LRP1B: variants seen among roughly 807,000 people sequenced by gnomAD.
LRP1B encodes LDL receptor related protein 1B.
A neutral mutation model predicts 556.6 loss-of-function variants in LRP1B; 217 were observed. The observed-to-expected ratio is 0.39, with a 90% CI of 0.35 to 0.44. The LOEUF is 0.44. LRP1B is among the 20% of genes least tolerant of loss of function. The pLI is 1.00. For synonymous variants in LRP1B, 2,047 were observed against 1,865.8 expected (o/e 1.10, Z -2.50); for missense variants, 5,053 against 5,620.8 (o/e 0.90, Z 3.23).
At chr2:141,452,678 T>C (rs1681464595) in intron 3 of LRP1B, among the ~76,000 whole-genome samples, 1 of 152,204 alleles carries the variant, frequency 6.6e-6, no homozygotes, top group Non-Finnish European at 1.5e-5. Context: ...TCCATTATAG[T>C]TGTCACTACT....
intron 7 of LRP1B, among the ~76,000 whole-genome samples, chr2:141,083,029 C>A (rs1274254909): frequency 6.6e-6 from 1 of 152,148 alleles, no homozygotes; most frequent in African/African-American, 2.4e-5. Flanking sequence ...ACTAATGATC[C>A]AAGCTAATCA....
intron 72 of LRP1B, among the ~76,000 whole-genome samples, chr2:140,361,357 T>TAC (rs1558829100): frequency 1.0e-3 from 130 of 124,848 alleles, no homozygotes; most frequent in African/African-American, 1.4e-3. Context: ...TATATATATA[T>TAC]ATATATATAT....
At chr2:142,101,552 G>A (rs1005260741) in intron 1 of LRP1B, among the ~76,000 whole-genome samples, 2 of 151,926 alleles carry the variant, frequency 1.3e-5, no homozygotes, top group African/African-American at 4.8e-5. Flanking sequence ...CAGTCCTAAA[G>A]ACTCCAAATG....
chr2:140,689,457 G>C (rs1686162435), intron 41 of LRP1B, among the ~76,000 whole-genome samples: 1 of 152,060 alleles, frequency 6.6e-6, no homozygotes, highest in Non-Finnish European at 1.5e-5. Context: ...GTGATTCTGG[G>C]GGCTGCCCAA....
In LRP1B at chr2:140,442,364, G is replaced by A. The variant is rs1686466964; in HGVS notation, c.10414+140C>T. ...TAAAGTAGCTAACCTAAGTTTTTAT[G>A]AATCTGTGAACACAGAGACAAAACC... On this transcript the variant is annotated intron_variant, in intron 66 of 90. Coordinates refer to ENST00000389484, the MANE Select transcript of LRP1B (RefSeq NM_018557.3). The A allele has an allele frequency of 2.3e-5, 25 of 1,066,310 alleles. No individual in the cohort carries two copies. In the South Asian group the frequency reaches 4.6e-4, roughly 19 times the overall value. 66.1% of individuals were successfully genotyped at this position (1,066,310 alleles called of 1,614,324 possible).
intron 1 of LRP1B, among the ~76,000 whole-genome samples, chr2:141,921,045 T>C (rs1700172410): frequency 6.6e-6 from 1 of 152,034 alleles, no homozygotes; most frequent in South Asian, 2.1e-4. Context: ...CTTCAACATG[T>C]AGTATGTAAC....
chr2:141,055,048 C>T (rs75389026), intron 10 of LRP1B, 68 bp downstream of exon 10: 61,526 of 1,553,116 alleles, frequency 0.04, 1,456 homozygotes, highest in East Asian at 0.076. Context: ...GTTGATGCTG[C>T]TAATTAATAC....
intron 42 of LRP1B, among the ~76,000 whole-genome samples, chr2:140,600,044 T>C (rs1034914809): frequency 3.3e-5 from 5 of 152,162 alleles, no homozygotes; most frequent in African/African-American, 1.2e-4. Flanking sequence ...ATTTTATGTG[T>C]TTAATTTTAA....
At position 140,728,851 on chromosome 2, in the gene LRP1B, T is replaced by C. The variant is rs2105492463; in HGVS notation, c.5759-12035A>G. 1.3e-5 allele frequency among the ~76,000 whole-genome samples: 2 copies of C among 152,254 alleles called. 1 individual carries two copies. The highest frequency in any genetic ancestry group is 4.1e-4 in the South Asian group (2 of 4,834). On this transcript the variant is annotated intron_variant, in intron 35 of 90. Transcript: ENST00000389484. ...GTGATATGGGCAAGTTACTTAACCT[T>C]TCTTTTTAGTGTCTGAATAAAATGG...
chr2:141,467,079 C>T (rs192070394), intron 3 of LRP1B, among the ~76,000 whole-genome samples: 3,870 of 108,976 alleles, frequency 0.036, 82 homozygotes, highest in Non-Finnish European at 0.041. Flanking sequence ...TATATATATA[C>T]ACACACACAC....
At chr2:141,940,270 C>T (rs1168979204) in intron 1 of LRP1B, among the ~76,000 whole-genome samples, 1 of 151,964 alleles carries the variant, frequency 6.6e-6, no homozygotes, top group Non-Finnish European at 1.5e-5. Flanking sequence ...CTGTGCAATG[C>T]CACTGTACAA....
intron 49 of LRP1B, among the ~76,000 whole-genome samples, chr2:140,518,028 G>T (rs1689992302): frequency 6.6e-6 from 1 of 151,624 alleles, no homozygotes; most frequent in Non-Finnish European, 1.5e-5. Context: ...CTTTTAACTG[G>T]GTGTCATCTG....
rs1452964167 is a variant in LRP1B at position 140,457,630 on chromosome 2, C to T, written c.9647G>A (p.Gly3216Glu). Residue 3216 changes from glycine to glutamate, a missense_variant, in exon 61 of 91, where the codon GGG becomes GAG. Gly to Glu is a moderately conservative substitution (Grantham distance 98). Around this residue, in one of 5 missense-constraint regions of LRP1B, gnomAD observed 262 missense variants for 395.1 expected, o/e 0.66. Coordinates refer to ENST00000389484, the MANE Select transcript of LRP1B (RefSeq NM_018557.3). The part of the protein sequence containing the change: ...RHKVPNQDIP[G>E]VIALTLFEDY... Reference sequence around the variant, plus strand: ...TTCAAACAATGTTAGTGCAATCACCCCTGGAATATCTTGATTAGGGACTGT... The same window carrying T: ...TTCAAACAATGTTAGTGCAATCACCTCTGGAATATCTTGATTAGGGACTGT... 1 of 1,613,222 alleles carries T rather than the reference C, an allele frequency of 6.2e-7. No homozygotes were observed. The highest frequency in any genetic ancestry group is 8.5e-7 in the Non-Finnish European group (1 of 1,179,356).
intron 7 of LRP1B, among the ~76,000 whole-genome samples, chr2:141,123,948 A>C: frequency 6.6e-6 from 1 of 152,174 alleles, no homozygotes; most frequent in Admixed American, 6.6e-5. Flanking sequence ...TATAAGTGAT[A>C]GAGTAAATTG....
At chr2:140,779,515 T>C (rs887901378) in intron 32 of LRP1B, among the ~76,000 whole-genome samples, 10 of 151,840 alleles carry the variant, frequency 6.6e-5, no homozygotes, top group African/African-American at 2.2e-4. Flanking sequence ...ACCAACATGG[T>C]GAAACCCCGT....
intron 3 of LRP1B, among the ~76,000 whole-genome samples, chr2:141,262,140 AT>A (rs1300026047): frequency 2.0e-5 from 3 of 151,884 alleles, no homozygotes; most frequent in African/African-American, 4.8e-5. Flanking sequence ...GCATTTTCTA[AT>A]TATTATTGAT....
intron 18 of LRP1B, among the ~76,000 whole-genome samples, chr2:140,964,817 G>A (rs1041074972): frequency 7.9e-5 from 12 of 151,800 alleles, no homozygotes; most frequent in South Asian, 4.2e-4. Flanking sequence ...CTCTTGCCTC[G>A]GTGCCTGGGT....
intron 37 of LRP1B, among the ~76,000 whole-genome samples, chr2:140,703,823 C>G (rs1292369501): frequency 6.6e-6 from 1 of 152,116 alleles, no homozygotes; most frequent in African/African-American, 2.4e-5. Flanking sequence ...CCAGCTCCAG[C>G]CATGTTGCTG....
intron 5 of LRP1B, among the ~76,000 whole-genome samples, chr2:141,236,159 G>T (rs1397542972): frequency 6.6e-6 from 1 of 151,970 alleles, no homozygotes; most frequent in Admixed American, 6.6e-5. Flanking sequence ...TTTTATTTGG[G>T]GGGATTATTT....
Sources: allele counts gnomAD v4.1 joint callset (sites outside exome capture counted in the v4.1 genomes callset), GRCh38; gene constraint gnomAD v4.1.1; regional missense constraint gnomAD v4.1.1; transcripts MANE v1.5; gene names NCBI Gene and HGNC (gene_info 2026-07-23, HGNC 2026-07-21).